The following SORBS2 variants were observed in gnomAD, a reference collection of about 807,000 sequenced individuals.
SORBS2 encodes the protein sorbin and SH3 domain containing 2.
SORBS2 carries 46 observed loss-of-function variants against 97.7 expected under a neutral mutation model. The observed-to-expected ratio is 0.47, with a 90% CI of 0.37 to 0.60. The LOEUF (loss-of-function observed/expected upper bound fraction) is 0.60. Among genes scored for constraint, SORBS2 ranks in the 20% least tolerant of loss-of-function variants. The pLI is 0.00. For synonymous variants in SORBS2, 476 were observed against 473.4 expected (o/e 1.01, Z -0.07); for missense variants, 1,316 against 1,282.3 (o/e 1.03, Z -0.40).
chr4:185,830,918 T>A (rs1332891931), intron 1 of SORBS2, among the ~76,000 whole-genome samples: 1 of 152,326 alleles, frequency 6.6e-6, no homozygotes, highest in East Asian at 1.9e-4. Flanking sequence ...GGCCCAGAGC[T>A]AACTTGTGCT....
chr4:185,837,461 C>G (rs1193728722), intron 1 of SORBS2, among the ~76,000 whole-genome samples: 1 of 152,148 alleles, frequency 6.6e-6, no homozygotes, highest in Non-Finnish European at 1.5e-5. Context: ...TTAAGCATTT[C>G]AAAAACCCCA....
intron 2 of SORBS2, among the ~76,000 whole-genome samples, chr4:185,650,730 G>T (rs932190587): frequency 6.6e-6 from 1 of 152,058 alleles, no homozygotes; most frequent in Admixed American, 6.5e-5. Context: ...TTCAACAGTC[G>T]GACTTCAACT....
intron 1 of SORBS2, among the ~76,000 whole-genome samples, chr4:185,823,075 G>A (rs1400675796): frequency 1.3e-5 from 2 of 152,116 alleles, no homozygotes; most frequent in African/African-American, 2.4e-5. Flanking sequence ...GCCGTTTTAC[G>A]GAGTGTCAGA....
At chr4:185,913,438 C>A (rs1048157332) in intron 1 of SORBS2, among the ~76,000 whole-genome samples, 1 of 152,096 alleles carries the variant, frequency 6.6e-6, no homozygotes, top group Non-Finnish European at 1.5e-5. Context: ...AAGATTTTAC[C>A]AAAGGATTCG....
chr4:185,701,085 T>A (rs773405559), intron 2 of SORBS2, among the ~76,000 whole-genome samples: 1 of 152,238 alleles, frequency 6.6e-6, no homozygotes, highest in African/African-American at 2.4e-5. Flanking sequence ...TTGAGATTGT[T>A]AGTTGGCATA....
intron 2 of SORBS2, among the ~76,000 whole-genome samples, chr4:185,683,014 C>CAA (rs35410308): frequency 0.078 from 8,546 of 109,208 alleles, 508 homozygotes; most frequent in East Asian, 0.25. Flanking sequence ...CCACCCGTCT[C>CAA]AAAAAAAAAA....
chr4:185,591,493 T>C (rs925234960), intron 13 of SORBS2, among the ~76,000 whole-genome samples: 5 of 152,204 alleles, frequency 3.3e-5, no homozygotes, highest in Admixed American at 2.0e-4. Flanking sequence ...CCAGCTTTGC[T>C]AGGGGTAGTC....
chr4:185,696,780 T>C (rs2098181832), intron 2 of SORBS2, among the ~76,000 whole-genome samples: 1 of 152,210 alleles, frequency 6.6e-6, no homozygotes, highest in Non-Finnish European at 1.5e-5. Flanking sequence ...TATATTGTAA[T>C]CTTAGGGATC....
chr4:185,885,436 G>C (rs1186041528), intron 1 of SORBS2, among the ~76,000 whole-genome samples: 1 of 152,202 alleles, frequency 6.6e-6, no homozygotes, highest in African/African-American at 2.4e-5. Flanking sequence ...GTCTAGGGAT[G>C]CCCACTACAG....
At chr4:185,626,738 G>A in intron 6 of SORBS2, 94 bp downstream of exon 18, 1 of 1,153,746 alleles carries the variant, frequency 8.7e-7, no homozygotes, top group Non-Finnish European at 1.3e-6. Context: ...GGTGAGAGCT[G>A]GCACATGCCA....
chr4:185,659,949 A>G (rs1266843814), upstream of SORBS2, among the ~76,000 whole-genome samples: 2 of 152,166 alleles, frequency 1.3e-5, no homozygotes, highest in Non-Finnish European at 2.9e-5. Flanking sequence ...ATATAAGTTA[A>G]CCCTTTATTT....
At chr4:185,820,616 G>C (rs980260930) in intron 1 of SORBS2, among the ~76,000 whole-genome samples, 8 of 152,180 alleles carry the variant, frequency 5.3e-5, no homozygotes, top group African/African-American at 1.9e-4. Context: ...CGGACACCTT[G>C]CCTGCGGGGA....
At chr4:185,763,280 T>G (rs1442624788) in intron 2 of SORBS2, among the ~76,000 whole-genome samples, 1 of 152,158 alleles carries the variant, frequency 6.6e-6, no homozygotes, top group East Asian at 1.9e-4. Flanking sequence ...GACATTCCCA[T>G]GTGAAAGGTG....
chr4:185,886,877 G>C (rs1429251111), intron 1 of SORBS2, among the ~76,000 whole-genome samples: 1 of 152,188 alleles, frequency 6.6e-6, no homozygotes, highest in East Asian at 1.9e-4. Context: ...GATTTGTTTG[G>C]TTTGCCCCAA....
At chr4:185,767,499 CAAAAAAA>C (rs70962594) in intron 2 of SORBS2, among the ~76,000 whole-genome samples, 2 of 60,694 alleles carry the variant, frequency 3.3e-5, no homozygotes, top group Non-Finnish European at 6.0e-5. Flanking sequence ...GACTCTGTCT[CAAAAAAA>C]AAAAAAAAAA....
At chr4:185,798,777 C>A (rs1198471553) in intron 1 of SORBS2, among the ~76,000 whole-genome samples, 1 of 152,172 alleles carries the variant, frequency 6.6e-6, no homozygotes, top group Non-Finnish European at 1.5e-5. Flanking sequence ...CCCAGAACAG[C>A]ACTGCTCACT....
intron 1 of SORBS2, among the ~76,000 whole-genome samples, chr4:185,890,908 G>C (rs776780235): frequency 6.6e-5 from 10 of 152,052 alleles, no homozygotes; most frequent in African/African-American, 2.4e-4. Flanking sequence ...ATGTTTTATA[G>C]TATTGAACAT....
In SORBS2 at chr4:185,677,733, C is replaced by T. The variant is rs950317151; in HGVS notation, c.-46+690G>A. 1.4e-5 allele frequency: 14 copies of T among 1,018,578 alleles called. No individual in the cohort carries two copies. The African/African-American group carries it at 2.3e-4, about 17-fold the overall frequency. 63.1% of individuals were successfully genotyped at this position (1,018,578 alleles called of 1,614,324 possible). The stretch of plus-strand genomic sequence containing the variant: ...ATGAAAGAAACCAGTGTCAACCTTG[C>T]CTTTACAGAAGTAAAGCAATGCCAC... On this transcript the variant is annotated intron_variant, in intron 4 of 20. Coordinates refer to the SORBS2 transcript ENST00000284776.
chr4:185,613,174 G>A (rs900600273), intron 11 of SORBS2, among the ~76,000 whole-genome samples: 2 of 152,180 alleles, frequency 1.3e-5, no homozygotes, highest in African/African-American at 4.8e-5. Flanking sequence ...TCGGGCAGCG[G>A]CACCTGATGG....
Sources: gnomAD v4.1 joint callset for allele counts (sites outside exome capture counted in the v4.1 genomes callset) on GRCh38, gnomAD v4.1.1 for gene constraint, MANE v1.5 for transcripts, NCBI Gene and HGNC (gene_info 2026-07-23, HGNC 2026-07-21) for gene names.